Variants in CTSF observed in about 807,000 individuals in gnomAD.
The protein encoded by CTSF is cathepsin F.
In CTSF, 65 loss-of-function variants were observed where a neutral mutation model predicts 63.5. The observed-to-expected ratio is 1.02, with a 90% CI of 0.84 to 1.26. CTSF has a LOEUF of 1.26. Among genes scored for constraint, CTSF ranks in the 50% most tolerant of loss-of-function variants. The probability of loss-of-function intolerance (pLI) is 0.00; values close to 1 mark genes in which losing one functional copy is unlikely to be tolerated. For synonymous variants in CTSF, 256 were observed against 258.1 expected (o/e 0.99, Z 0.08); for missense variants, 641 against 631.0 (o/e 1.02, Z -0.17).
Position 66,563,749 on chromosome 11 carries a change from C to CAA in CTSF, c.*183_*184insTT. The CAA allele has an allele frequency of 1.5e-6, 1 of 683,392 alleles. No individual in the cohort carries two copies. Among genetic ancestry groups the CAA allele is most frequent in the Non-Finnish European group, 2.4e-6 (1 of 410,446 alleles). 42.3% of individuals were successfully genotyped at this position (683,392 alleles called of 1,614,324 possible). On this transcript the variant is annotated 3_prime_UTR_variant, in exon 13 of 13. Transcript: ENST00000310325. ...CAACAAAGGTGCAGGTGCAGAACTT[C>CAA]AGGGTGGGAATGGGGTGCAGGGAAG...
rs1427115981 is a variant in CTSF, at chr11:66,566,006, C to T, written c.867+16G>A. 6.2e-7 allele frequency: 1 copy of T among 1,614,004 alleles called. No homozygotes were observed. Among genetic ancestry groups the T allele is most frequent in the Admixed American group, 1.7e-5 (1 of 59,992 alleles). On this transcript the variant is annotated intron_variant, in intron 6 of 12. Transcript: ENST00000310325. ...GTGCAGTGCCCATGTCCCACCCTCA[C>T]TTCCAGGGGTCCAACCTGGTCTTTG...
Position 66,565,862 on chromosome 11 carries a change from G to A in CTSF, c.933C>T (p.Asn311=), listed in dbSNP as rs1424927546. The A allele has an allele frequency of 6.8e-6, 11 of 1,613,896 alleles. No individual in the cohort carries two copies. The highest frequency in any genetic ancestry group is 6.7e-5 in the Admixed American group (4 of 60,002). ...CAGAGAGGGAGAGCAGGGTCCCCTGGTTGAGAAACCACTGGCCCTCCACAT... is the reference window on the plus strand; with the variant it reads ...CAGAGAGGGAGAGCAGGGTCCCCTGATTGAGAAACCACTGGCCCTCCACAT... ...TGNVEGQWFL[N]QGTLLSLSEQ... The change falls in exon 7 of 13, where the codon AAC becomes AAT. Residue 311 remains asparagine (N), a synonymous_variant. Transcript: ENST00000310325.
In CTSF at chr11:66,566,402, C is replaced by A. The variant is rs778471188; in HGVS notation, c.610G>T (p.Ala204Ser). The A allele has an allele frequency of 1.2e-6, 2 of 1,613,874 alleles. No homozygotes were observed. Among genetic ancestry groups the A allele is most frequent in the African/African-American group, 1.3e-5 (1 of 75,036 alleles). ...YNRTYESKEEARWRLSVFVNN... is the reference protein window; with the variant it reads ...YNRTYESKEESRWRLSVFVNN... ...ACAAAGACGGACAGGCGCCACCGGG[C>A]TTCTGAGGACCAAGGAGCAGAAGAG... The change falls in exon 5 of 13, where the codon GCC becomes TCC. Residue 204 changes from alanine to serine, a missense_variant and splice_region_variant. Transcript: ENST00000310325.
rs1055531712 is a variant in CTSF, at chr11:66,568,388, C to A, written c.99G>T (p.Gly33=). The change falls in exon 1 of 13, where the codon GGG becomes GGT. Residue 33 remains glycine, a synonymous_variant. Coordinates refer to ENST00000310325, the MANE Select transcript of CTSF (RefSeq NM_003793.4). ...QPRAASFQAW[G]PPSPELLAPT... ...GCGCCAGCAGCTCCGGGGACGGCGGCCCCCAGGCCTGAAAGCTGGCGGCTC... is the reference window on the plus strand; with the variant it reads ...GCGCCAGCAGCTCCGGGGACGGCGGACCCCAGGCCTGAAAGCTGGCGGCTC... 2 of 1,308,532 alleles carry A rather than the reference C, an allele frequency of 1.5e-6. No homozygotes were observed. The highest frequency in any genetic ancestry group is 6.3e-5 in the East Asian group (2 of 31,940). 81.1% of individuals were successfully genotyped at this position (1,308,532 alleles called of 1,614,324 possible). A position where few individuals can be genotyped will look rare whatever the true frequency, so the allele number is the denominator to read the frequency against.
rs770836708 is a variant in CTSF, at chr11:66,564,146, C to A, written c.1322G>T (p.Arg441Leu). Residue 441 changes from arginine to leucine, a missense_variant and splice_region_variant, in exon 12 of 13, where the codon CGC becomes CTC. Physicochemically the swap from Arg to Leu is moderately radical, Grantham distance 102 (BLOSUM62 -2). Transcript: ENST00000310325. ...HAVLLVGYGN[R>L]SDVPFWAIKN... Reference sequence around the variant, plus strand: ...GATGGCCCAAAAGGGAACGTCAGAGCCTGGGGTGCAGTGCAGAGCGCAAGG... The same window carrying A: ...GATGGCCCAAAAGGGAACGTCAGAGACTGGGGTGCAGTGCAGAGCGCAAGG... 1.9e-6 allele frequency: 3 copies of A among 1,610,824 alleles called. No individual in the cohort carries two copies. The South Asian group carries it at 3.3e-5, about 18-fold the overall frequency.
Position 66,565,015 on chromosome 11 carries a change from C to A in CTSF, c.1046-9G>T. ...CTCTGTCTCCAGCCCTCCTGGGGAA[C>A]GGTGGGGGTGAGTAGAGAAGGGCAG... On this transcript the variant is annotated splice_polypyrimidine_tract_variant and intron_variant, in intron 8 of 12. Transcript: ENST00000310325. 6.5e-7 allele frequency: 1 copy of A among 1,549,994 alleles called. No individual in the cohort carries two copies. The highest frequency in any genetic ancestry group is 8.7e-7 in the Non-Finnish European group (1 of 1,145,170).
chr11:66,564,610 G>A lies in CTSF; in HGVS notation c.1269C>T (p.Leu423=), dbSNP rs769678799. The A allele has an allele frequency of 1.9e-6, 3 of 1,601,626 alleles. No individual in the cohort carries two copies. The South Asian group carries it at 3.4e-5, about 18-fold the overall frequency. ...RHGISRPLRP[L]CSPWLIDHAV... The stretch of plus-strand genomic sequence containing the variant: ...CATGGTCAATGAGCCAAGGGCTGCA[G>A]AGGGGCCGGAGAGGGCGGGAGATCC... Residue 423 remains leucine (L), a synonymous_variant, in exon 11 of 13, where the codon CTC becomes CTT. Transcript: ENST00000310325.
Position 66,565,701 on chromosome 11 carries a change from A to T in CTSF, c.1015T>A (p.Ser339Thr). 1 of 1,613,694 alleles carries T rather than the reference A, an allele frequency of 6.2e-7. No homozygotes were observed. The highest frequency in any genetic ancestry group is 1.3e-5 in the African/African-American group (1 of 75,064). The part of the protein sequence containing the change: ...MDKACMGGLP[S>T]NAYSAIKNLG... ...TTCTTTATGGCCGAGTAGGCATTGG[A>T]GGGCAAGCCGCCCATGCAGGCCTTG... is the stretch of plus-strand genomic sequence containing the variant. Residue 339 changes from serine (S) to threonine (T), a missense_variant, in exon 8 of 13, where the codon TCC (serine) becomes ACC (threonine). Physicochemically the swap from Ser to Thr is moderately conservative, Grantham distance 58. Transcript: ENST00000310325.
Position 66,566,171 on chromosome 11 carries a change from C to G in CTSF, c.722-4G>C. 1 of 1,613,970 alleles carries G rather than the reference C, an allele frequency of 6.2e-7. No individual in the cohort carries two copies. The highest frequency in any genetic ancestry group is 8.5e-7 in the Non-Finnish European group (1 of 1,179,984). On this transcript the variant is annotated splice_polypyrimidine_tract_variant and splice_region_variant and intron_variant, in intron 5 of 12. Transcript: ENST00000310325. ...TAGATAGTGCGGAACTCCTCCTCTG[C>G]GGGCAAAGGTGGGCAGGGCATGGGG... is the stretch of plus-strand genomic sequence containing the variant.
In CTSF at chr11:66,568,029, G is replaced by GCAGGGTGGCTCCTC; in HGVS notation, c.253_266dup (p.Cys89TrpfsTer64). Reference sequence around the variant, plus strand: ...GGAGCCGGCACACCATGGGGTCGTTGCAGGGTGGCTCCTCCAGGGTGGCCT... The same window carrying GCAGGGTGGCTCCTC: ...GGAGCCGGCACACCATGGGGTCGTTGCAGGGTGGCTCCTCCAGGGTGGCTCCTCCAGGGTGGCCT... On this transcript the variant is annotated frameshift_variant, in exon 2 of 13. Coordinates refer to ENST00000310325, the MANE Select transcript of CTSF (RefSeq NM_003793.4). LOFTEE classifies it high-confidence loss of function. The GCAGGGTGGCTCCTC allele has an allele frequency of 1.2e-6, 2 of 1,603,152 alleles. No individual in the cohort carries two copies. Among genetic ancestry groups the GCAGGGTGGCTCCTC allele is most frequent in the Non-Finnish European group, 1.7e-6 (2 of 1,175,914 alleles).
Position 66,564,048 on chromosome 11 carries a change from T to A in CTSF, c.1380+40A>T, listed in dbSNP as rs149999352. The A allele has an allele frequency of 3.7e-3, 5,922 of 1,613,570 alleles. 17 individuals are homozygous for A. The highest frequency in any genetic ancestry group is 4.6e-3 in the Non-Finnish European group (5,432 of 1,179,882). On this transcript the variant is annotated intron_variant, in intron 12 of 12. Transcript: ENST00000310325. ...AGCTGGTGAGGGCACCAGGGTAGGA[T>A]GGCGGCTGGAGGGCCAGGGGCCAAG... is the stretch of plus-strand genomic sequence containing the variant.
chr11:66,567,312 C>G lies in CTSF; in HGVS notation c.541G>C (p.Val181Leu). 6.2e-7 allele frequency: 1 copy of G among 1,614,214 alleles called. No homozygotes were observed. The highest frequency in any genetic ancestry group is 8.5e-7 in the Non-Finnish European group (1 of 1,180,030). ...NEDPLSQDLP[V>L]KMASIFKNFV... ...TTCTTGAAGATTGAAGCCATCTTCA[C>G]AGGCAAGTCCTGGATAGGCAGACCA... The change falls in exon 4 of 13, where the codon GTG becomes CTG. Residue 181 changes from valine (V) to leucine (L), a missense_variant. Val to Leu is a conservative substitution (Grantham distance 32). Transcript: ENST00000310325.
In CTSF at chr11:66,563,639, A is replaced by G. The variant is rs1402503972; in HGVS notation, c.*294T>C. ...AGATCAGAAAATTTTCTTCCTGCTC[A>G]TTACCCAAGCCCAGAGTTCTTGCCC... is the stretch of plus-strand genomic sequence containing the variant. On this transcript the variant is annotated 3_prime_UTR_variant, in exon 13 of 13. Transcript: ENST00000310325. 3.6e-6 allele frequency: 2 copies of G among 556,868 alleles called. No individual in the cohort carries two copies. The highest frequency in any genetic ancestry group is 3.7e-5 in the African/African-American group (2 of 53,352). 34.5% of individuals were successfully genotyped at this position (556,868 alleles called of 1,614,324 possible). A position where few individuals can be genotyped will look rare whatever the true frequency, so the allele number is the denominator to read the frequency against.
chr11:66,565,099 T>G, intron 8 of CTSF, 93 bp from the exon 9 acceptor site: 1 of 1,493,682 alleles, frequency 6.7e-7, no homozygotes, highest in Non-Finnish European at 8.9e-7. Flanking sequence ...AGGTTTCACA[T>G]TCCTCGTCCA....
In CTSF at chr11:66,566,274, G is replaced by A; in HGVS notation, c.721+17C>T. The A allele has an allele frequency of 6.2e-7, 1 of 1,614,060 alleles. No individual in the cohort carries two copies. Among genetic ancestry groups the A allele is most frequent in the Non-Finnish European group, 8.5e-7 (1 of 1,179,934 alleles). On this transcript the variant is annotated intron_variant, in intron 5 of 12. Transcript: ENST00000310325. ...GTCTCTTCCTGGATCCATGAGGACTGTGGCCACTATCCCTACCTGTGAGAT... is the reference window on the plus strand; with the variant it reads ...GTCTCTTCCTGGATCCATGAGGACTATGGCCACTATCCCTACCTGTGAGAT...
rs763567392 is a variant in CTSF at position 66,566,059 on chromosome 11, C to T, written c.830G>A (p.Trp277Ter). 6.2e-7 allele frequency: 1 copy of T among 1,614,056 alleles called. No homozygotes were observed. Among genetic ancestry groups the T allele is most frequent in the African/African-American group, 1.3e-5 (1 of 74,924 alleles). ...VGDLAPPEWD[W>*]RSKGAVTKVK... ...TTTTGTGACAGCCCCCTTACTCCTCCAGTCCCATTCAGGTGGGGCGAGGTC... is the reference window on the plus strand; with the variant it reads ...TTTTGTGACAGCCCCCTTACTCCTCTAGTCCCATTCAGGTGGGGCGAGGTC... Residue 277 changes from tryptophan to a stop codon, truncating the protein, a stop_gained, in exon 6 of 13, where the codon TGG (tryptophan) becomes TAG (stop). Coordinates refer to ENST00000310325, the MANE Select transcript of CTSF (RefSeq NM_003793.4). LOFTEE classifies it high-confidence loss of function.
chr11:66,566,826 T>C, intron 4 of CTSF, among the ~76,000 whole-genome samples: 1 of 151,698 alleles, frequency 6.6e-6, no homozygotes, highest in East Asian at 1.9e-4. Flanking sequence ...CAGGTTCAAG[T>C]GATTTTCCTG....
Position 66,567,558 on chromosome 11 carries a change from T to G in CTSF, c.417A>C (p.Ser139=), listed in dbSNP as rs760282320. The G allele has an allele frequency of 1.2e-6, 2 of 1,614,112 alleles. No individual in the cohort carries two copies. Among genetic ancestry groups the G allele is most frequent in the Non-Finnish European group, 1.7e-6 (2 of 1,180,044 alleles). The change falls in exon 3 of 13, where the codon TCA becomes TCC. Residue 139 remains serine, a synonymous_variant. Coordinates refer to ENST00000310325, the MANE Select transcript of CTSF (RefSeq NM_003793.4). The part of the protein sequence containing the change: ...TKVPGAGEPK[S]AFTQGSAMIS... ...TCATGGCTGAGCCCTGAGTGAAGGC[T>G]GACTTGGGCTCCCCAGCACCTGGAA...
At chr11:66,564,223 A>G (rs1189146956) in intron 11 of CTSF, 77 bp from the exon 12 acceptor site, 2 of 1,510,812 alleles carry the variant, frequency 1.3e-6, no homozygotes, top group Non-Finnish European at 1.8e-6. Context: ...GCACCCTTCA[A>G]ATACTTGCAC....
Sources: allele counts gnomAD v4.1 joint callset (sites outside exome capture counted in the v4.1 genomes callset), GRCh38; gene constraint gnomAD v4.1.1; transcripts MANE v1.5; gene names NCBI Gene and HGNC (gene_info 2026-07-23, HGNC 2026-07-21).